The following UBE2V2 variants were observed in gnomAD, a reference collection of about 807,000 sequenced individuals.
UBE2V2 encodes the protein ubiquitin-conjugating enzyme E2 variant 2.
A neutral mutation model predicts 17.2 loss-of-function variants in UBE2V2; 9 were observed. That is an observed-to-expected ratio of 0.52 (90% CI 0.32 to 0.91). The LOEUF is 0.91. UBE2V2 is among the 40% of genes least tolerant of loss of function. The pLI, the probability that UBE2V2 is intolerant of heterozygous loss-of-function variation, is 0.04. For missense variants in UBE2V2, 133 were observed against 182.6 expected, an observed-to-expected ratio of 0.73 and a Z score of 1.56; for synonymous variants, 61 against 57.5, an observed-to-expected ratio of 1.06 and a Z score of -0.28.
At chr8:48,031,032 A>C (rs553928481) in intron 1 of UBE2V2, among the ~76,000 whole-genome samples, 4 of 152,166 alleles carry the variant, frequency 2.6e-5, no homozygotes, top group Non-Finnish European at 5.9e-5. Context: ...TGTCTCAAAA[A>C]TAAAAAACCA....
the UBE2V2 span, among the ~76,000 whole-genome samples, chr8:48,000,436 C>G: frequency 3.6e-4 from 55 of 152,272 alleles, no homozygotes; most frequent in African/African-American, 1.3e-3. Context: ...TATAACTTTC[C>G]TTTTCAAACC....
chr8:48,059,641 G>C (rs1166454909), intron 3 of UBE2V2, among the ~76,000 whole-genome samples: 1 of 151,736 alleles, frequency 6.6e-6, no homozygotes, highest in Non-Finnish European at 1.5e-5. Context: ...TCAAACTCCT[G>C]ACCTTGTGAT....
At chr8:48,049,646 TG>T (rs1363849002) in intron 2 of UBE2V2, 2 of 363,216 alleles carry the variant, frequency 5.5e-6, no homozygotes, top group Non-Finnish European at 9.7e-6. Flanking sequence ...GAATTAATTT[TG>T]TAAAATCTCA....
chr8:48,001,294 C>G, the UBE2V2 span, among the ~76,000 whole-genome samples: 1 of 152,136 alleles, frequency 6.6e-6, no homozygotes, highest in African/African-American at 2.4e-5. Flanking sequence ...TCCTCTTGCT[C>G]CTGCCTCCTG....
At chr8:48,030,090 T>G (rs1346207218) in intron 1 of UBE2V2, among the ~76,000 whole-genome samples, 1 of 152,232 alleles carries the variant, frequency 6.6e-6, no homozygotes, top group African/African-American at 2.4e-5. Context: ...CTGGAGAATG[T>G]GAAGTAACTG....
intron 3 of UBE2V2, among the ~76,000 whole-genome samples, chr8:48,052,664 A>G (rs1158167668): frequency 2.0e-5 from 3 of 152,176 alleles, no homozygotes; most frequent in Non-Finnish European, 2.9e-5. Flanking sequence ...CAGTCTTTCC[A>G]AAGTTAGCAG....
chr8:48,019,300 G>C (rs907187029), intron 1 of UBE2V2, among the ~76,000 whole-genome samples: 1 of 152,082 alleles, frequency 6.6e-6, no homozygotes, highest in African/African-American at 2.4e-5. Context: ...GGAGGCAGAG[G>C]TTGCAGTAAG....
At chr8:48,034,128 C>CTTT (rs895844431) in intron 1 of UBE2V2, among the ~76,000 whole-genome samples, 2 of 136,300 alleles carry the variant, frequency 1.5e-5, no homozygotes, top group African/African-American at 3.0e-5. Flanking sequence ...TTTTCTTTTC[C>CTTT]TTTTTTTTTT....
intron 1 of UBE2V2, among the ~76,000 whole-genome samples, chr8:48,024,936 ATTTTTTTT>A: frequency 7.2e-6 from 1 of 139,032 alleles, no homozygotes; most frequent in East Asian, 2.1e-4. Context: ...TCCCTTACTG[ATTTTTTTT>A]TTTTTTTTTA....
chr8:48,000,448 A>T, the UBE2V2 span, among the ~76,000 whole-genome samples: 129 of 152,238 alleles, frequency 8.5e-4, no homozygotes, highest in African/African-American at 3.0e-3. Context: ...TTTCAAACCT[A>T]AACTGTTGTT....
chr8:48,034,576 T>C (rs1351351090), intron 1 of UBE2V2, among the ~76,000 whole-genome samples: 18 of 132,018 alleles, frequency 1.4e-4, no homozygotes, highest in African/African-American at 3.8e-4. Flanking sequence ...CCACCCCCCC[T>C]TTTTTTTTAA....
chr8:48,002,880 A>C, the UBE2V2 span, among the ~76,000 whole-genome samples: 2 of 152,010 alleles, frequency 1.3e-5, no homozygotes, highest in Non-Finnish European at 2.9e-5. Flanking sequence ...CCATTCCGTA[A>C]TGTATACGTA....
intron 1 of UBE2V2, among the ~76,000 whole-genome samples, chr8:48,022,250 G>A (rs1589852911): frequency 6.6e-6 from 1 of 151,384 alleles, no homozygotes; most frequent in East Asian, 2.0e-4. Context: ...TGATTCTCCT[G>A]CCTCAGCCTC....
At chr8:48,008,583 C>G (rs1249388578) in intron 1 of UBE2V2, 113 bp downstream of exon 1, 23 of 1,409,996 alleles carry the variant, frequency 1.6e-5, no homozygotes, top group Non-Finnish European at 2.1e-5. Flanking sequence ...TGCGCTGTCT[C>G]GAATGCCGCG....
chr8:48,038,670 G>A (rs1016231353), intron 1 of UBE2V2, among the ~76,000 whole-genome samples: 8 of 152,014 alleles, frequency 5.3e-5, no homozygotes, highest in Non-Finnish European at 1.0e-4. Flanking sequence ...TAGTAGAGAT[G>A]GGGTTTCACC....
At chr8:48,035,107 CTTTTTTTTTTTTT>C (rs578114987) in intron 1 of UBE2V2, 173 of 855,596 alleles carry the variant, frequency 2.0e-4, no homozygotes, top group African/African-American at 1.0e-3. Context: ...CCTATTTATT[CTTTTTTTTTTTTT>C]TTTTTTTTTT....
At chr8:48,040,333 G>C (rs559782606) in intron 1 of UBE2V2, among the ~76,000 whole-genome samples, 18 of 152,050 alleles carry the variant, frequency 1.2e-4, no homozygotes, top group African/African-American at 4.3e-4. Context: ...TGTTGATAGA[G>C]GACTATTATC....
intron 1 of UBE2V2, among the ~76,000 whole-genome samples, chr8:48,015,895 G>GTTT (rs1168641766): frequency 1.6e-4 from 21 of 132,184 alleles, no homozygotes; most frequent in East Asian, 4.2e-4. Flanking sequence ...TGTCTGTGTG[G>GTTT]TTTTTTTTTT....
intron 3 of UBE2V2, 99 bp downstream of exon 3, chr8:48,050,077 G>A (rs2091525778): frequency 1.1e-6 from 1 of 909,764 alleles, no homozygotes; most frequent in Admixed American, 3.6e-5. Context: ...TTAATATGTA[G>A]TTAGGAGAAA....
Sources: gnomAD v4.1 joint callset for allele counts (sites outside exome capture counted in the v4.1 genomes callset) on GRCh38, gnomAD v4.1.1 for gene constraint, MANE v1.5 for transcripts, NCBI Gene and HGNC (gene_info 2026-07-23, HGNC 2026-07-21) for gene names.